Variants in SNX8 observed in about 807,000 individuals in gnomAD.
SNX8 encodes the protein sorting nexin 8, also known as sorting nexin-8.
A neutral mutation model predicts 51.6 loss-of-function variants in SNX8; 25 were observed. The ratio of observed to expected loss-of-function variants is 0.48; its 90% CI spans 0.35 to 0.68. SNX8 has a LOEUF of 0.68. SNX8 is among the 30% of genes least tolerant of loss of function. The pLI, the probability that SNX8 is intolerant of heterozygous loss-of-function variation, is 0.00. For missense variants in SNX8, 695 were observed against 624.0 expected, an observed-to-expected ratio of 1.11 and a Z score of -1.21; for synonymous variants, 324 against 277.0, an observed-to-expected ratio of 1.17 and a Z score of -1.68.
chr7:2,328,929 C>T (rs1387676487), intron 1 of SNX8, among the ~76,000 whole-genome samples: 1 of 152,016 alleles, frequency 6.6e-6, no homozygotes, highest in Non-Finnish European at 1.5e-5. Context: ...ACTAAAAATA[C>T]AAAAAAGTTA....
Position 2,251,785 on chromosome 7 carries a change from C to A in SNX8, c.*3271G>T, listed in dbSNP as rs1562413891. On this transcript the variant is annotated 3_prime_UTR_variant, in exon 11 of 11. Transcript: ENST00000222990. ...ACACGTTTAATAACAGTTGTTCACA[C>A]ATGTTTATTGATAAACCGTCCAAAA... is the stretch of plus-strand genomic sequence containing the variant. The A allele has an allele frequency of 6.5e-6, 1 of 152,726 alleles. No individual in the cohort carries two copies. The highest frequency in any genetic ancestry group is 2.4e-5 in the African/African-American group (1 of 41,472). 9.5% of individuals were successfully genotyped at this position (152,726 alleles called of 1,614,324 possible).
chr7:2,297,858 A>G (rs773960854), intron 1 of SNX8, among the ~76,000 whole-genome samples: 9 of 151,782 alleles, frequency 5.9e-5, no homozygotes, highest in Non-Finnish European at 1.2e-4. Context: ...AAAGCAGGCA[A>G]AAGTGGGATA....
intron 1 of SNX8, among the ~76,000 whole-genome samples, chr7:2,279,980 A>G (rs1795873911): frequency 1.3e-5 from 2 of 152,208 alleles, no homozygotes; most frequent in African/African-American, 2.4e-5. Flanking sequence ...GATCTTCTAA[A>G]TGCCCCAGTG....
At chr7:2,285,501 G>C (rs1439709914) in intron 1 of SNX8, among the ~76,000 whole-genome samples, 2 of 152,168 alleles carry the variant, frequency 1.3e-5, no homozygotes, top group East Asian at 3.8e-4. Context: ...CATTAGACAT[G>C]AGAGTTTGGC....
intron 8 of SNX8, 30 bp downstream of exon 8, chr7:2,257,704 TG>T (rs1795225075): frequency 4.4e-6 from 7 of 1,609,154 alleles, no homozygotes; most frequent in Non-Finnish European, 6.0e-6. Flanking sequence ...CTGAAAGTTC[TG>T]CCCCCAGCCA....
intron 1 of SNX8, among the ~76,000 whole-genome samples, chr7:2,333,587 A>T (rs1203993397): frequency 2.0e-5 from 3 of 152,138 alleles, no homozygotes; most frequent in African/African-American, 7.2e-5. Flanking sequence ...ATAAAGCAGC[A>T]GCAATCAAGA....
At chr7:2,316,168 C>G (rs1796752950), upstream of SNX8, among the ~76,000 whole-genome samples, 1 of 151,272 alleles carries the variant, frequency 6.6e-6, no homozygotes, top group African/African-American at 2.4e-5. Context: ...ACCCTGCATT[C>G]ATTCACCCAC....
chr7:2,335,957 G>T (rs1778821509), intron 1 of SNX8, among the ~76,000 whole-genome samples: 1 of 151,772 alleles, frequency 6.6e-6, no homozygotes, highest in South Asian at 2.1e-4. Context: ...CTAAAAATTA[G>T]CTGGGCATGG....
Position 2,277,992 on chromosome 7 carries a change from A to G in SNX8, c.300+108T>C, listed in dbSNP as rs1056052709. 1.2e-5 allele frequency: 17 copies of G among 1,475,334 alleles called. No individual in the cohort carries two copies. In the Admixed American group the frequency reaches 2.1e-4, roughly 18 times the overall value. The allele number at this position is 1,475,334 out of a possible 1,614,324, so 91.4% of individuals were successfully genotyped here. ...GATCTTGCCTGTAAGCCAGCCACAC[A>G]GACTCACCCTTCAGCCTTCTCCTGT... On this transcript the variant is annotated intron_variant, in intron 2 of 10. Transcript: ENST00000222990.
chr7:2,294,811 G>A (rs1188172797), intron 1 of SNX8, among the ~76,000 whole-genome samples: 1 of 152,056 alleles, frequency 6.6e-6, no homozygotes, highest in African/African-American at 2.4e-5. Context: ...AAACAGGGAG[G>A]ATCACTTGAG....
intron 1 of SNX8, among the ~76,000 whole-genome samples, chr7:2,284,819 G>C (rs556362301): frequency 6.6e-6 from 1 of 152,226 alleles, no homozygotes; most frequent in East Asian, 1.9e-4. Flanking sequence ...TTTTCAATGT[G>C]AATATTCCTT....
chr7:2,324,439 C>T (rs1401556349), intron 1 of SNX8, among the ~76,000 whole-genome samples: 21 of 151,572 alleles, frequency 1.4e-4, no homozygotes, highest in Admixed American at 1.3e-3. Context: ...TACAGGCATG[C>T]GCCACCACGC....
intron 1 of SNX8, among the ~76,000 whole-genome samples, chr7:2,301,903 C>T (rs189942218): frequency 5.3e-5 from 8 of 152,318 alleles, no homozygotes; most frequent in Admixed American, 1.3e-4. Flanking sequence ...TTAGTTCACA[C>T]ACAGACCCTA....
At chr7:2,330,941 T>C (rs1348371697) in intron 1 of SNX8, among the ~76,000 whole-genome samples, 1 of 151,852 alleles carries the variant, frequency 6.6e-6, no homozygotes, top group Non-Finnish European at 1.5e-5. Context: ...TCCCAAAACT[T>C]TGGGAGGCCG....
Position 2,254,973 on chromosome 7 carries a change from G to A in SNX8, c.*83C>T, listed in dbSNP as rs984746715. ...GGGCGTGGCGGGGAGGGGAGCTGCC[G>A]TCCAAAGGGAATTACACCGGGACAC... On this transcript the variant is annotated 3_prime_UTR_variant, in exon 11 of 11. Transcript: ENST00000222990. 6.6e-5 allele frequency: 64 copies of A among 971,052 alleles called. No homozygotes were observed. Among genetic ancestry groups the A allele is most frequent in the South Asian group, 5.2e-4 (38 of 72,548 alleles). 60.2% of individuals were successfully genotyped at this position (971,052 alleles called of 1,614,324 possible).
chr7:2,284,945 C>T (rs1224566655), intron 1 of SNX8, among the ~76,000 whole-genome samples: 2 of 151,966 alleles, frequency 1.3e-5, no homozygotes, highest in Non-Finnish European at 1.5e-5. Context: ...GGCGGAGTGC[C>T]TCACGCCTGT....
intron 2 of SNX8, among the ~76,000 whole-genome samples, chr7:2,276,760 T>C (rs557272638): frequency 6.6e-6 from 1 of 151,098 alleles, no homozygotes; most frequent in South Asian, 2.1e-4. Flanking sequence ...GCCTGGACAA[T>C]ATAGTGAGAT....
At chr7:2,287,039 TG>T (rs1258003853) in intron 1 of SNX8, among the ~76,000 whole-genome samples, 2 of 151,504 alleles carry the variant, frequency 1.3e-5, no homozygotes, top group Non-Finnish European at 2.9e-5. Flanking sequence ...CTCAGGAGGC[TG>T]AGGCAGAGAA....
At chr7:2,267,594 G>T (rs1458932925) in intron 5 of SNX8, among the ~76,000 whole-genome samples, 3 of 143,450 alleles carry the variant, frequency 2.1e-5, no homozygotes, top group African/African-American at 7.7e-5. Flanking sequence ...GATTGCAGAC[G>T]GAGTCTCGTT....
Sources: allele counts gnomAD v4.1 joint callset (sites outside exome capture counted in the v4.1 genomes callset), GRCh38; gene constraint gnomAD v4.1.1; transcripts MANE v1.5; gene names NCBI Gene and HGNC (gene_info 2026-07-23, HGNC 2026-07-21).